Variants in FOXP1 observed in about 807,000 individuals in gnomAD.
FOXP1 encodes forkhead box protein P1.
Under a neutral mutation model 98.2 loss-of-function variants are expected in FOXP1, and 15 were observed. The ratio of observed to expected loss-of-function variants is 0.15; its 90% CI spans 0.10 to 0.24. The LOEUF is 0.24. Among genes scored for constraint, FOXP1 ranks in the 10% least tolerant of loss-of-function variants. The pLI is 1.00. For synonymous variants in FOXP1, 371 were observed against 314.5 expected, an observed-to-expected ratio of 1.18 and a Z score of -1.90; for missense variants, 633 against 848.5, an observed-to-expected ratio of 0.75 and a Z score of 3.15.
At chr3:71,316,697 C>T (rs1288232391) in intron 4 of FOXP1, among the ~76,000 whole-genome samples, 1 of 147,890 alleles carries the variant, frequency 6.8e-6, no homozygotes, top group Non-Finnish European at 1.5e-5. Flanking sequence ...CTTGCTCTGT[C>T]GCCAGGCTGG....
At chr3:71,006,109 TTG>T (rs1454968817) in intron 12 of FOXP1, among the ~76,000 whole-genome samples, 3 of 152,158 alleles carry the variant, frequency 2.0e-5, no homozygotes, top group Non-Finnish European at 4.4e-5. Context: ...AAGGAAATTC[TTG>T]TACTAGGCAC....
intron 3 of FOXP1, among the ~76,000 whole-genome samples, chr3:71,475,369 A>G (rs2106758342): frequency 6.6e-6 from 1 of 152,292 alleles, no homozygotes; most frequent in Non-Finnish European, 1.5e-5. Context: ...TTTGGTCTCA[A>G]ATATTCCCAC....
At chr3:71,116,754 A>T (rs557283464) in intron 6 of FOXP1, among the ~76,000 whole-genome samples, 1 of 152,346 alleles carries the variant, frequency 6.6e-6, no homozygotes, top group South Asian at 2.1e-4. Flanking sequence ...AATTTCCATG[A>T]TCTATAAATC....
intron 4 of FOXP1, among the ~76,000 whole-genome samples, chr3:71,345,562 T>C (rs996083020): frequency 6.6e-6 from 1 of 152,088 alleles, no homozygotes; most frequent in Non-Finnish European, 1.5e-5. Flanking sequence ...CATGAACATA[T>C]GTTTCCCTTA....
chr3:71,323,818 A>G (rs796662882), intron 4 of FOXP1, among the ~76,000 whole-genome samples: 2 of 152,196 alleles, frequency 1.3e-5, no homozygotes, highest in African/African-American at 4.8e-5. Context: ...TTCTATTTCC[A>G]TCTATTCCAC....
chr3:71,471,148 T>C (rs1171485292), intron 3 of FOXP1, among the ~76,000 whole-genome samples: 1 of 152,206 alleles, frequency 6.6e-6, no homozygotes, highest in Non-Finnish European at 1.5e-5. Flanking sequence ...GTGTGCTAGA[T>C]GGTTACAAAA....
chr3:71,415,994 T>C lies in FOXP1; in HGVS notation c.-167-56750A>G, dbSNP rs549139199. On this transcript the variant is annotated intron_variant, in intron 3 of 20. Transcript: ENST00000649528. ...TCGGCATCTTTCGTCACAGGAATGA[T>C]AGACCAACTACTATCAATCACCATT... is the stretch of plus-strand genomic sequence containing the variant. 4.0e-4 allele frequency among the ~76,000 whole-genome samples: 61 copies of C among 152,332 alleles called. 2 individuals are homozygous for C. In the South Asian group the frequency reaches 0.012, roughly 30 times the overall value.
intron 3 of FOXP1, among the ~76,000 whole-genome samples, chr3:71,443,771 C>T (rs1107719): frequency 0.61 from 92,571 of 152,026 alleles, 30,333 homozygotes; most frequent in Non-Finnish European, 0.74. Context: ...CTTGTATATA[C>T]TTTTAAATAA....
At chr3:71,305,486 T>C (rs974959464) in intron 4 of FOXP1, among the ~76,000 whole-genome samples, 5 of 152,214 alleles carry the variant, frequency 3.3e-5, no homozygotes. Flanking sequence ...GGGAGGACCC[T>C]GGCCCGGGTA....
chr3:71,548,483 G>A (rs557889353), intron 2 of FOXP1, among the ~76,000 whole-genome samples: 6 of 152,212 alleles, frequency 3.9e-5, no homozygotes, highest in African/African-American at 1.4e-4. Context: ...ACGGCTTGAT[G>A]CAACCTCAAC....
intron 4 of FOXP1, among the ~76,000 whole-genome samples, chr3:71,309,198 C>T (rs940517385): frequency 2.0e-5 from 3 of 152,144 alleles, no homozygotes; most frequent in East Asian, 1.9e-4. Context: ...CTATCCATCT[C>T]GATCCATCCA....
intron 3 of FOXP1, among the ~76,000 whole-genome samples, chr3:71,365,382 G>A (rs897535304): frequency 2.7e-5 from 4 of 147,300 alleles, no homozygotes; most frequent in East Asian, 2.0e-4. Flanking sequence ...GGGCCCATGC[G>A]CCCACATAGA....
chr3:71,421,613 C>G (rs1021219435), intron 3 of FOXP1, among the ~76,000 whole-genome samples: 3 of 152,132 alleles, frequency 2.0e-5, no homozygotes, highest in Non-Finnish European at 2.9e-5. Context: ...AACATCAGAA[C>G]CCAGCCGACT....
At chr3:71,200,298 C>A (rs1196357737) in intron 5 of FOXP1, among the ~76,000 whole-genome samples, 1 of 152,110 alleles carries the variant, frequency 6.6e-6, no homozygotes, top group Non-Finnish European at 1.5e-5. Context: ...GTCAGGCAGG[C>A]CCTAATGCAG....
chr3:71,244,479 A>G (rs2067550340), intron 5 of FOXP1, among the ~76,000 whole-genome samples: 1 of 149,026 alleles, frequency 6.7e-6, no homozygotes, highest in Non-Finnish European at 1.5e-5. Flanking sequence ...AGGATTTGGA[A>G]AAGATCAGGA....
intron 18 of FOXP1, chr3:70,972,309 T>C (rs1483741693): frequency 3.1e-6 from 3 of 980,952 alleles, no homozygotes. Flanking sequence ...GCAAATGGTT[T>C]GTGAGGGTTA....
At chr3:71,057,376 T>C (rs1380300281) in intron 7 of FOXP1, among the ~76,000 whole-genome samples, 1 of 139,534 alleles carries the variant, frequency 7.2e-6, no homozygotes, top group Non-Finnish European at 1.6e-5. Flanking sequence ...CAACATTCAT[T>C]TCTGATGTTT....
chr3:71,005,834 C>T (rs1018218264), intron 12 of FOXP1, among the ~76,000 whole-genome samples: 41 of 152,054 alleles, frequency 2.7e-4, no homozygotes, highest in African/African-American at 9.4e-4. Context: ...ATTCCAGCCT[C>T]GAAGTATACA....
At position 71,443,908 on chromosome 3, in the gene FOXP1, C is replaced by T. The variant is rs1048588775; in HGVS notation, c.-168+49518G>A. On this transcript the variant is annotated intron_variant, in intron 3 of 20. Transcript: ENST00000649528. ...ACTATTTCCCCTTTTACCCTTCTCT[C>T]CCAATATTCTATGAGACCCCCAAAG... Among the ~76,000 whole-genome samples the T allele has an allele frequency of 2.6e-5, 4 of 152,270 alleles. No individual in the cohort carries two copies. The South Asian group carries it at 8.3e-4, about 32-fold the overall frequency.
Sources: gnomAD v4.1 joint callset for allele counts (sites outside exome capture counted in the v4.1 genomes callset) on GRCh38, gnomAD v4.1.1 for gene constraint, MANE v1.5 for transcripts, NCBI Gene and HGNC (gene_info 2026-07-23, HGNC 2026-07-21) for gene names.